Variants in MAP4 observed in about 807,000 individuals in gnomAD.
The protein encoded by MAP4 is microtubule-associated protein 4.
In MAP4, 76 loss-of-function variants were observed where a neutral mutation model predicts 170.2. The observed-to-expected ratio is 0.45, with a 90% CI of 0.37 to 0.54. MAP4 has a LOEUF of 0.54. MAP4 is among the 20% of genes least tolerant of loss of function. MAP4 has a pLI of 0.00. For synonymous variants in MAP4, 909 were observed against 994.5 expected (o/e 0.91, Z 1.62); for missense variants, 2,506 against 2,748.0 (o/e 0.91, Z 1.97).
chr3:48,034,254 C>A (rs145249869), intron 1 of MAP4, among the ~76,000 whole-genome samples: 1 of 152,288 alleles, frequency 6.6e-6, no homozygotes, highest in Non-Finnish European at 1.5e-5. Flanking sequence ...AAGGAATGAT[C>A]TCATCCCACT....
chr3:47,875,429 G>A (rs1193661752), intron 12 of MAP4, among the ~76,000 whole-genome samples: 1 of 152,160 alleles, frequency 6.6e-6, no homozygotes, highest in Non-Finnish European at 1.5e-5. Flanking sequence ...AAATGTTAAT[G>A]TCTGCATCAA....
At chr3:47,957,656 G>C (rs2100068632) in intron 3 of MAP4, among the ~76,000 whole-genome samples, 2 of 152,168 alleles carry the variant, frequency 1.3e-5, no homozygotes, top group Admixed American at 1.3e-4. Flanking sequence ...TCATAGTAAA[G>C]AAATGCAGAA....
At chr3:47,963,697 C>A (rs997325517) in intron 3 of MAP4, among the ~76,000 whole-genome samples, 1 of 152,182 alleles carries the variant, frequency 6.6e-6, no homozygotes, top group Non-Finnish European at 1.5e-5. Context: ...GTTCTAGGTG[C>A]TGGGCCACAG....
intron 1 of MAP4, among the ~76,000 whole-genome samples, chr3:48,023,106 T>C (rs1326624479): frequency 6.6e-6 from 1 of 152,052 alleles, no homozygotes; most frequent in Admixed American, 6.6e-5. Flanking sequence ...AACCTTTCCA[T>C]AGTGTAATTT....
At chr3:48,080,909 A>G (rs1020842480) in intron 1 of MAP4, among the ~76,000 whole-genome samples, 6 of 152,084 alleles carry the variant, frequency 3.9e-5, no homozygotes, top group Admixed American at 1.3e-4. Flanking sequence ...CAGATCACGA[A>G]GTCAGGAGAT....
chr3:48,064,103 T>G (rs570418596), intron 1 of MAP4, among the ~76,000 whole-genome samples: 5 of 152,308 alleles, frequency 3.3e-5, no homozygotes, highest in African/African-American at 1.2e-4. Context: ...ACAAACCCCC[T>G]TCCTGGCTGG....
chr3:47,994,568 G>A (rs2100094275), intron 2 of MAP4, among the ~76,000 whole-genome samples: 2 of 152,172 alleles, frequency 1.3e-5, no homozygotes, highest in African/African-American at 2.4e-5. Context: ...GCTTCATCTT[G>A]AGTTATTTGA....
chr3:47,891,417 C>T, intron 10 of MAP4: 1 of 1,535,752 alleles, frequency 6.5e-7, no homozygotes, highest in Non-Finnish European at 8.7e-7. Context: ...TCCTCACCCA[C>T]AGTCATGGAG....
intron 10 of MAP4, among the ~76,000 whole-genome samples, chr3:47,899,936 T>A (rs1326623036): frequency 2.0e-5 from 3 of 152,250 alleles, no homozygotes; most frequent in Non-Finnish European, 4.4e-5. Flanking sequence ...CCAGTACATG[T>A]ACTGGCAGAT....
chr3:48,017,961 G>A (rs527464561), upstream of MAP4, among the ~76,000 whole-genome samples: 2 of 152,244 alleles, frequency 1.3e-5, no homozygotes, highest in South Asian at 2.1e-4. Flanking sequence ...TTCCACCTCC[G>A]ATCATCAGTC....
Position 47,954,021 on chromosome 3 carries a change from C to CAA in MAP4, c.292+23842_292+23843dup, listed in dbSNP as rs201279490. 6.5e-3 allele frequency among the ~76,000 whole-genome samples: 904 copies of CAA among 138,350 alleles called. 11 individuals carry two copies. The highest frequency in any genetic ancestry group is 0.023 in the African/African-American group (866 of 37,798). 90.8% of individuals were successfully genotyped at this position (138,350 alleles called of 152,430 possible). ...AGAGTGAGACTCTGTCTCAAAAAAACAAAAAAAAAAACAAACAACAACAAA... is the reference window on the plus strand; with the variant it reads ...AGAGTGAGACTCTGTCTCAAAAAAACAAAAAAAAAAAAACAAACAACAACAAA... On this transcript the variant is annotated intron_variant, in intron 3 of 20. Transcript: ENST00000683076.
chr3:48,056,689 C>T (rs2100131983), intron 1 of MAP4, among the ~76,000 whole-genome samples: 1 of 116,628 alleles, frequency 8.6e-6, no homozygotes, highest in African/African-American at 3.9e-5. Flanking sequence ...TCCGCCCGGC[C>T]AGCCGCCCCG....
chr3:47,964,161 C>G, intron 3 of MAP4, among the ~76,000 whole-genome samples: 1 of 152,180 alleles, frequency 6.6e-6, no homozygotes, highest in East Asian at 1.9e-4. Flanking sequence ...AGATGGGCAA[C>G]CACTGGAGGG....
intron 1 of MAP4, among the ~76,000 whole-genome samples, chr3:48,088,472 A>G (rs1389667472): frequency 1.3e-5 from 2 of 151,934 alleles, no homozygotes; most frequent in Non-Finnish European, 2.9e-5. Context: ...CCCCATCCAG[A>G]GCCCAAGGCA....
chr3:47,930,564 T>C (rs1577834564), intron 3 of MAP4, among the ~76,000 whole-genome samples: 1 of 151,736 alleles, frequency 6.6e-6, no homozygotes, highest in East Asian at 1.9e-4. Flanking sequence ...AAATCATAAA[T>C]CTGATAAAAG....
chr3:48,077,639 GATAA>G (rs1178713797), intron 1 of MAP4, among the ~76,000 whole-genome samples: 2 of 151,786 alleles, frequency 1.3e-5, no homozygotes, highest in Non-Finnish European at 2.9e-5. Context: ...CACGCCTGGC[GATAA>G]ATAATTTTTT....
intron 1 of MAP4, among the ~76,000 whole-genome samples, chr3:48,065,899 G>A (rs999729180): frequency 6.6e-6 from 1 of 152,094 alleles, no homozygotes; most frequent in African/African-American, 2.4e-5. Context: ...TGGGAGGATT[G>A]CTTGAGTCCA....
intron 3 of MAP4, among the ~76,000 whole-genome samples, chr3:47,941,649 T>C (rs896875564): frequency 2.1e-4 from 31 of 149,958 alleles, no homozygotes; most frequent in Admixed American, 1.7e-3. Context: ...AAACTGGGCA[T>C]GGTGGCGTGT....
In MAP4 at chr3:47,902,937, G is replaced by A; in HGVS notation, c.5434+13C>T. The stretch of plus-strand genomic sequence containing the variant: ...TAAATTACTTCAAGTTTCACACCAA[G>A]AGAGTTTCTCACCATAAACTGACAT... On this transcript the variant is annotated intron_variant, in intron 10 of 20. Transcript: ENST00000683076. 1.0e-6 allele frequency: 1 copy of A among 983,074 alleles called. No individual in the cohort carries two copies. Among genetic ancestry groups the A allele is most frequent in the Non-Finnish European group, 1.2e-6 (1 of 827,826 alleles). 60.9% of individuals were successfully genotyped at this position (983,074 alleles called of 1,614,324 possible).
Sources: gnomAD v4.1 joint callset for allele counts (sites outside exome capture counted in the v4.1 genomes callset) on GRCh38, gnomAD v4.1.1 for gene constraint, MANE v1.5 for transcripts, NCBI Gene and HGNC (gene_info 2026-07-23, HGNC 2026-07-21) for gene names.